The following ADGRL3 variants were observed in gnomAD, a reference collection of about 807,000 sequenced individuals.
ADGRL3 encodes adhesion G protein-coupled receptor L3.
In ADGRL3, 62 loss-of-function variants were observed where a neutral mutation model predicts 153.5. The observed-to-expected ratio is 0.40, with a 90% CI of 0.33 to 0.50. The LOEUF (loss-of-function observed/expected upper bound fraction) is 0.50, where lower values mean the gene tolerates loss of function less well. Among genes scored for constraint, ADGRL3 ranks in the 20% least tolerant of loss-of-function variants. The probability of loss-of-function intolerance (pLI) is 0.47; values close to 1 mark genes in which losing one functional copy is unlikely to be tolerated. For synonymous variants in ADGRL3, 710 were observed against 672.5 expected (o/e 1.06, Z -0.86); for missense variants, 1,641 against 1,859.4 (o/e 0.88, Z 2.16).
At chr4:61,464,555 T>TTAATTAAAGTTTGAAAATCAGAG (rs1290258555) in intron 2 of ADGRL3, among the ~76,000 whole-genome samples, 2 of 152,288 alleles carry the variant, frequency 1.3e-5, no homozygotes, top group South Asian at 2.1e-4. Flanking sequence ...AGAAAATTTT[T>TTAATTAAAGTTTGAAAATCAGAG]TAATTAAAGT....
intron 5 of ADGRL3, among the ~76,000 whole-genome samples, chr4:61,669,026 A>T (rs1011077867): frequency 2.6e-4 from 40 of 152,208 alleles, no homozygotes; most frequent in South Asian, 6.2e-4. Flanking sequence ...CTCAAAAAAA[A>T]TTTTTTTAAA....
chr4:61,721,923 T>G (rs1194734534), intron 6 of ADGRL3, among the ~76,000 whole-genome samples: 1 of 152,156 alleles, frequency 6.6e-6, no homozygotes, highest in Non-Finnish European at 1.5e-5. Context: ...GTATAAAAAT[T>G]TATTTATAGA....
intron 8 of ADGRL3, among the ~76,000 whole-genome samples, chr4:61,771,753 A>G (rs1461766077): frequency 1.4e-5 from 2 of 146,264 alleles, no homozygotes; most frequent in African/African-American, 2.6e-5. Flanking sequence ...AGGGGTATCT[A>G]TTCCATGTGA....
chr4:61,635,130 A>G (rs1260459394), intron 5 of ADGRL3, among the ~76,000 whole-genome samples: 1 of 152,178 alleles, frequency 6.6e-6, no homozygotes, highest in African/African-American at 2.4e-5. Context: ...GAGACAGTTT[A>G]CCTCAGGAGA....
chr4:62,066,018 A>G (rs1255198472), intron 25 of ADGRL3, among the ~76,000 whole-genome samples: 3 of 152,078 alleles, frequency 2.0e-5, no homozygotes, highest in Non-Finnish European at 2.9e-5. Flanking sequence ...TTTTTAAAAA[A>G]CCAAAGTAAA....
intron 17 of ADGRL3, among the ~76,000 whole-genome samples, chr4:61,957,549 G>GTATGTATT (rs1553893788): frequency 1.9e-3 from 275 of 144,454 alleles, no homozygotes; most frequent in African/African-American, 6.5e-3. Flanking sequence ...TTACATTTAT[G>GTATGTATT]TATTTATTTA....
chr4:61,980,011 G>C (rs559047856), intron 18 of ADGRL3, among the ~76,000 whole-genome samples: 2 of 152,168 alleles, frequency 1.3e-5, no homozygotes, highest in African/African-American at 4.8e-5. Flanking sequence ...TTTTAGAGCA[G>C]TTACTGCTTT....
chr4:61,571,316 T>TAATAAAATAAAATAAAATAA (rs10605564), intron 4 of ADGRL3, among the ~76,000 whole-genome samples: 4 of 140,306 alleles, frequency 2.9e-5, no homozygotes, highest in African/African-American at 1.1e-4. Flanking sequence ...CTCAACAAAA[T>TAATAAAATAAAATAAAATAA]AATAAAATAA....
intron 2 of ADGRL3, among the ~76,000 whole-genome samples, chr4:61,432,574 C>T (rs78983391): frequency 6.0e-4 from 1 of 1,664 alleles, no homozygotes; most frequent in East Asian, 0.042. Flanking sequence ...CTTTCTCTTC[C>T]TTTCTTTCTT....
chr4:61,425,683 A>G (rs968420848), intron 2 of ADGRL3, among the ~76,000 whole-genome samples: 2 of 152,188 alleles, frequency 1.3e-5, no homozygotes, highest in African/African-American at 4.8e-5. Flanking sequence ...TGGGGAGCTC[A>G]TATTAGGCCA....
At chr4:61,400,027 A>C in intron 2 of ADGRL3, among the ~76,000 whole-genome samples, 1 of 151,836 alleles carries the variant, frequency 6.6e-6, no homozygotes, top group African/African-American at 2.4e-5. Flanking sequence ...TCAGGGAATC[A>C]AAATAATCAG....
chr4:61,914,543 G>C (rs1248817177), intron 13 of ADGRL3, among the ~76,000 whole-genome samples: 1 of 152,060 alleles, frequency 6.6e-6, no homozygotes, highest in Admixed American at 6.6e-5. Context: ...ATACATGGGA[G>C]GGGGAACTTA....
chr4:61,807,814 C>T (rs2097568203), intron 8 of ADGRL3, among the ~76,000 whole-genome samples: 1 of 152,104 alleles, frequency 6.6e-6, no homozygotes, highest in Admixed American at 6.6e-5. Flanking sequence ...ATGGGGAAAG[C>T]AGCATAGGAA....
At chr4:61,682,938 A>G (rs115043365) in intron 6 of ADGRL3, among the ~76,000 whole-genome samples, 1,538 of 152,240 alleles carry the variant, frequency 0.01, 29 homozygotes, top group African/African-American at 0.034. Context: ...CAAGGAGTTC[A>G]GTCAAGTGGG....
In ADGRL3 at chr4:61,268,525, T is replaced by C. The variant is rs553181556; in HGVS notation, c.-240+66760T>C. Among the ~76,000 whole-genome samples, 3 of 151,666 alleles carry C rather than the reference T, an allele frequency of 2.0e-5. No homozygotes were observed. In the South Asian group the frequency reaches 6.2e-4, roughly 31 times the overall value. Reference sequence around the variant, plus strand: ...AGCCATTTATTTGAGGTAAATACTGTGGTTTGAGAAAAATTTTCATGTAAC... The same window carrying C: ...AGCCATTTATTTGAGGTAAATACTGCGGTTTGAGAAAAATTTTCATGTAAC... On this transcript the variant is annotated intron_variant, in intron 1 of 26. Transcript: ENST00000683033.
chr4:61,434,334 A>G (rs1250651562), intron 2 of ADGRL3, among the ~76,000 whole-genome samples: 1 of 152,090 alleles, frequency 6.6e-6, no homozygotes, highest in African/African-American at 2.4e-5. Context: ...GTAAGTTTAA[A>G]TGACCCTTTT....
At chr4:61,336,950 A>G (rs1382581190) in intron 1 of ADGRL3, among the ~76,000 whole-genome samples, 1 of 151,112 alleles carries the variant, frequency 6.6e-6, no homozygotes, top group Non-Finnish European at 1.5e-5. Flanking sequence ...CCATACTTCC[A>G]TAAAGCGGTG....
rs184781360 is a variant in ADGRL3, at chr4:61,652,420, G to C, written c.474-24406G>C. Among the ~76,000 whole-genome samples, 128 of 152,252 alleles carry C rather than the reference G, an allele frequency of 8.4e-4. 1 individual carries two copies. The East Asian group carries it at 0.012, about 15-fold the overall frequency. ...GATTAAATAAAGCGGAGGTCAGCAA[G>C]CAATGGTCATCATTATGAACTAAGC... is the stretch of plus-strand genomic sequence containing the variant. On this transcript the variant is annotated intron_variant, in intron 5 of 26. Coordinates refer to ENST00000683033, the MANE Select transcript of ADGRL3 (RefSeq NM_001387552.1).
At chr4:61,888,514 G>A (rs2098551956) in intron 9 of ADGRL3, among the ~76,000 whole-genome samples, 1 of 152,184 alleles carries the variant, frequency 6.6e-6, no homozygotes, top group Admixed American at 6.5e-5. Flanking sequence ...GGGCGCTGGT[G>A]ACAGCATGTC....
Sources: allele counts gnomAD v4.1 joint callset (sites outside exome capture counted in the v4.1 genomes callset), GRCh38; gene constraint gnomAD v4.1.1; transcripts MANE v1.5; gene names NCBI Gene and HGNC (gene_info 2026-07-23, HGNC 2026-07-21).